Variants in NPHP4 observed in about 807,000 individuals in gnomAD.
NPHP4 encodes nephrocystin-4.
A neutral mutation model predicts 155.8 loss-of-function variants in NPHP4; 151 were observed. That is an observed-to-expected ratio of 0.97 (90% CI 0.85 to 1.11). The LOEUF is 1.11. Among genes scored for constraint, NPHP4 ranks in the 50% least tolerant of loss-of-function variants. The pLI, the probability that NPHP4 is intolerant of heterozygous loss-of-function variation, is 0.00. For missense variants in NPHP4, 1,956 were observed against 1,925.7 expected, an observed-to-expected ratio of 1.02 and a Z score of -0.29; for synonymous variants, 845 against 816.8, an observed-to-expected ratio of 1.03 and a Z score of -0.59.
rs182109824 is a variant in NPHP4 at position 5,928,622 on chromosome 1, C to T, written c.1303-835G>A. Among the ~76,000 whole-genome samples, 21 of 152,292 alleles carry T rather than the reference C, an allele frequency of 1.4e-4. No individual in the cohort carries two copies. The East Asian group carries it at 4.1e-3, about 29-fold the overall frequency. On this transcript the variant is annotated intron_variant, in intron 10 of 29. Transcript: ENST00000378156. ...CACTTCCAAACTTTATTTCTGGACT[C>T]TCTAGTCTGTTCCATTAACTGAATT...
At chr1:5,872,521 C>A (rs1157257866) in intron 23 of NPHP4, among the ~76,000 whole-genome samples, 1 of 152,192 alleles carries the variant, frequency 6.6e-6, no homozygotes, top group Non-Finnish European at 1.5e-5. Context: ...GCTGTGGCTG[C>A]ACACTTAAAT....
rs113008601 is a variant in NPHP4 at position 5,899,303 on chromosome 1, C to T, written c.2143+5314G>A. 3.3e-3 allele frequency among the ~76,000 whole-genome samples: 509 copies of T among 152,268 alleles called. 3 individuals carry two copies. The highest frequency in any genetic ancestry group is 0.012 in the African/African-American group (479 of 41,546). The stretch of plus-strand genomic sequence containing the variant: ...AATGGAGAAGCATCACAGAATCACC[C>T]GACACTGGGCTTCTCTACAGCCAGG... On this transcript the variant is annotated intron_variant, in intron 16 of 29. Transcript: ENST00000378156.
chr1:5,950,426 G>A (rs1400986602), intron 7 of NPHP4, among the ~76,000 whole-genome samples: 2 of 152,138 alleles, frequency 1.3e-5, no homozygotes, highest in African/African-American at 2.4e-5. Flanking sequence ...CAAAATCCTG[G>A]GAATTCCACC....
intron 8 of NPHP4, 50 bp downstream of exon 8, chr1:5,948,020 G>A (rs375641338): frequency 3.0e-5 from 43 of 1,421,150 alleles, no homozygotes; most frequent in South Asian, 1.8e-4. Context: ...TCATTTCATC[G>A]TGATCCCTTG....
At chr1:5,869,644 C>A (rs981773051) in intron 23 of NPHP4, among the ~76,000 whole-genome samples, 2 of 152,188 alleles carry the variant, frequency 1.3e-5, no homozygotes, top group Non-Finnish European at 2.9e-5. Context: ...GACAAATGCA[C>A]CTTCAGAAAT....
At chr1:5,929,871 A>G (rs1646189720) in intron 10 of NPHP4, among the ~76,000 whole-genome samples, 1 of 152,202 alleles carries the variant, frequency 6.6e-6, no homozygotes, top group Non-Finnish European at 1.5e-5. Flanking sequence ...AATAGATTAT[A>G]TAAAAGTGGC....
intron 13 of NPHP4, among the ~76,000 whole-genome samples, chr1:5,906,358 G>T (rs1266545278): frequency 1.3e-5 from 2 of 152,202 alleles, no homozygotes; most frequent in Non-Finnish European, 2.9e-5. Flanking sequence ...AGCTGGCTTG[G>T]GAGTTGGGAA....
chr1:5,945,504 G>A (rs374677868), intron 9 of NPHP4, among the ~76,000 whole-genome samples: 2 of 152,188 alleles, frequency 1.3e-5, no homozygotes, highest in Non-Finnish European at 2.9e-5. Context: ...ATTAGGACTC[G>A]GAATCATAGG....
intron 1 of NPHP4, among the ~76,000 whole-genome samples, chr1:5,991,741 G>A (rs1211963951): frequency 1.3e-5 from 2 of 151,910 alleles, no homozygotes; most frequent in Non-Finnish European, 2.9e-5. Flanking sequence ...GAGCCACCGC[G>A]GGGAACTGAC....
intron 1 of NPHP4, among the ~76,000 whole-genome samples, chr1:5,989,472 C>G (rs865996779): frequency 3.3e-5 from 5 of 152,174 alleles, no homozygotes; most frequent in African/African-American, 1.2e-4. Context: ...TCACATCATT[C>G]GTCACCTATC....
At chr1:5,893,765 C>T (rs956134622) in intron 16 of NPHP4, among the ~76,000 whole-genome samples, 4 of 152,192 alleles carry the variant, frequency 2.6e-5, no homozygotes, top group Admixed American at 6.5e-5. Flanking sequence ...TGCTAAGTAG[C>T]GGGTGTTGTT....
At chr1:5,887,105 T>C in intron 18 of NPHP4, 181 bp downstream of exon 18, 2 of 599,402 alleles carry the variant, frequency 3.3e-6, no homozygotes, top group Non-Finnish European at 5.9e-6. Context: ...TGCAAACAAC[T>C]GGGTCCAGGA....
Position 5,863,040 on chromosome 1 carries a change from G to A in NPHP4, c.*225C>T, listed in dbSNP as rs545322990. On this transcript the variant is annotated 3_prime_UTR_variant, in exon 30 of 30. Coordinates refer to ENST00000378156, the MANE Select transcript of NPHP4 (RefSeq NM_015102.5). Reference sequence around the variant, plus strand: ...CCAGACCCACCACCACGGAGTTCGCGCTCACGGAACCCAGGCCTGCTGGGT... The same window carrying A: ...CCAGACCCACCACCACGGAGTTCGCACTCACGGAACCCAGGCCTGCTGGGT... 4 of 577,054 alleles carry A rather than the reference G, an allele frequency of 6.9e-6. No homozygotes were observed. The highest frequency in any genetic ancestry group is 5.8e-5 in the Admixed American group (2 of 34,278). The allele number at this position is 577,054 out of a possible 1,614,324, so 35.7% of individuals were successfully genotyped here.
At chr1:5,904,825 G>A (rs1282722948) in intron 15 of NPHP4, 21 bp from the exon 16 acceptor site, 4 of 1,611,976 alleles carry the variant, frequency 2.5e-6, no homozygotes, top group Non-Finnish European at 3.4e-6. Context: ...CAACAGCTCT[G>A]GGTTAACTGA....
Position 5,969,137 on chromosome 1 carries a change from C to A in NPHP4, c.402G>T (p.Arg134=), listed in dbSNP as rs1011581870. 1 of 1,552,094 alleles carries A rather than the reference C, an allele frequency of 6.4e-7. No individual in the cohort carries two copies. Among genetic ancestry groups the A allele is most frequent in the Non-Finnish European group, 8.7e-7 (1 of 1,147,018 alleles). ...QTLSCGFGIL[R]IFSNQPDSPI... ...GAGAGTCCGGCTGGTTGCTGAAGAT[C>A]CGAAGAATTCCAAACCCACAGGACA... Residue 134 remains arginine (R), a synonymous_variant, in exon 4 of 30, where the codon CGG becomes CGT. Coordinates refer to ENST00000378156, the MANE Select transcript of NPHP4 (RefSeq NM_015102.5).
chr1:5,939,414 G>A (rs1174541929), intron 9 of NPHP4, among the ~76,000 whole-genome samples: 2 of 152,230 alleles, frequency 1.3e-5, no homozygotes, highest in Non-Finnish European at 2.9e-5. Flanking sequence ...AAAGCTCTCC[G>A]CCCTCTGGAG....
At chr1:5,989,649 T>C (rs1403020885) in intron 1 of NPHP4, among the ~76,000 whole-genome samples, 1 of 152,246 alleles carries the variant, frequency 6.6e-6, no homozygotes, top group Non-Finnish European at 1.5e-5. Context: ...CATTCAGAAA[T>C]GTATTCACAC....
At chr1:5,941,289 CAAAAAAAAAAAA>C (rs66676950) in intron 9 of NPHP4, among the ~76,000 whole-genome samples, 19 of 44,768 alleles carry the variant, frequency 4.2e-4, no homozygotes, top group African/African-American at 1.1e-3. Context: ...GAGATCTAGA[CAAAAAAAAAAAA>C]AAAAAAAAAA....
rs17884657 is a variant in NPHP4, at chr1:5,882,630, C to G, written c.2486-2391G>C. On this transcript the variant is annotated intron_variant, in intron 18 of 29. Transcript: ENST00000378156. This position sits in a 1 kb window ranked among gnomAD's most constrained non-coding sequence, Gnocchi z 5.1. Reference sequence around the variant, plus strand: ...TCGGGCTACCAACCGCCTCCTGGCACCTGCAGCGTCCACTCAGTCCTCACT... The same window carrying G: ...TCGGGCTACCAACCGCCTCCTGGCAGCTGCAGCGTCCACTCAGTCCTCACT... 0.12 allele frequency: 18,133 copies of G among 153,134 alleles called. 1,373 individuals carry two copies. The highest frequency in any genetic ancestry group is 0.17 in the Non-Finnish European group (11,336 of 68,672). 9.5% of individuals were successfully genotyped at this position (153,134 alleles called of 1,614,324 possible). A position where few individuals can be genotyped will look rare whatever the true frequency, so the allele number is the denominator to read the frequency against.
Sources: gnomAD v4.1 joint callset for allele counts (sites outside exome capture counted in the v4.1 genomes callset) on GRCh38, gnomAD v4.1.1 for gene constraint, Gnocchi (gnomAD v3.1) non-coding constraint, MANE v1.5 for transcripts, NCBI Gene and HGNC (gene_info 2026-07-23, HGNC 2026-07-21) for gene names.